The following FSHR variants were observed in gnomAD, a reference collection of about 807,000 sequenced individuals.
FSHR encodes the protein follicle-stimulating hormone receptor.
Under a neutral mutation model 52.1 loss-of-function variants are expected in FSHR, and 46 were observed. The ratio of observed to expected loss-of-function variants is 0.88; its 90% confidence interval spans 0.70 to 1.13. FSHR has a LOEUF of 1.13. FSHR is among the 50% of genes most tolerant of loss of function. FSHR has a pLI of 0.00. For synonymous variants in FSHR, 399 were observed against 309.6 expected, an observed-to-expected ratio of 1.29 and a Z score of -3.03; for missense variants, 964 against 834.6, an observed-to-expected ratio of 1.16 and a Z score of -1.91.
intron 9 of FSHR, 135 bp downstream of exon 9, chr2:48,968,562 AC>A: frequency 1.0e-6 from 1 of 1,002,764 alleles, no homozygotes; most frequent in Non-Finnish European, 1.5e-6. Flanking sequence ...TGAATTTTTG[AC>A]CCAGAATGTG....
chr2:49,152,522 C>G (rs1673100669), intron 1 of FSHR, among the ~76,000 whole-genome samples: 1 of 151,408 alleles, frequency 6.6e-6, no homozygotes, highest in Non-Finnish European at 1.5e-5. Flanking sequence ...TTCCCTTTTT[C>G]CCTCCATCTT....
At chr2:49,105,351 C>T (rs752250814) in intron 1 of FSHR, among the ~76,000 whole-genome samples, 49 of 152,086 alleles carry the variant, frequency 3.2e-4, no homozygotes, top group Non-Finnish European at 6.8e-4. Context: ...TCTCCACCAC[C>T]TGCTGCCTCA....
chr2:49,028,272 G>A (rs565656156), intron 2 of FSHR, among the ~76,000 whole-genome samples: 14 of 152,268 alleles, frequency 9.2e-5, no homozygotes, highest in Non-Finnish European at 1.8e-4. Context: ...GGTGTAGCAG[G>A]CACAGTGCTA....
intron 1 of FSHR, among the ~76,000 whole-genome samples, chr2:49,120,087 T>A (rs1264888992): frequency 6.6e-6 from 1 of 152,052 alleles, no homozygotes; most frequent in Non-Finnish European, 1.5e-5. Context: ...CTGGCCAACA[T>A]GGTGACGCCC....
intron 1 of FSHR, among the ~76,000 whole-genome samples, chr2:49,127,787 CTT>C (rs1672073884): frequency 1.9e-5 from 1 of 52,628 alleles, no homozygotes; most frequent in Non-Finnish European, 3.5e-5. Flanking sequence ...TCTTCTTCTT[CTT>C]CTTCTTCTTC....
intron 1 of FSHR, among the ~76,000 whole-genome samples, chr2:49,151,982 C>A (rs1673079552): frequency 6.6e-6 from 1 of 152,116 alleles, no homozygotes; most frequent in Non-Finnish European, 1.5e-5. Flanking sequence ...TTTCTCTTCT[C>A]ACCTCAGTAC....
intron 4 of FSHR, among the ~76,000 whole-genome samples, chr2:48,996,950 C>T (rs1215629004): frequency 7.2e-5 from 11 of 152,066 alleles, no homozygotes; most frequent in Admixed American, 7.2e-4. Flanking sequence ...ATTACAGATC[C>T]TTCTTAACTG....
In FSHR at chr2:48,963,832, T is replaced by A; in HGVS notation, c.989A>T (p.Tyr330Phe). ...SSYSRGFDMT[Y>F]TEFDYDLCNE... ...GCATAAGTCATAGTCAAACTCAGTGTACGTCATGTCAAATCCTCTGCTGTA... is the reference window on the plus strand; with the variant it reads ...GCATAAGTCATAGTCAAACTCAGTGAACGTCATGTCAAATCCTCTGCTGTA... The change falls in exon 10 of 10, where the codon TAC (tyrosine) becomes TTC (phenylalanine). Residue 330 changes from tyrosine to phenylalanine, a missense_variant. Physicochemically the swap from Tyr to Phe is conservative, Grantham distance 22. Coordinates refer to ENST00000406846, the MANE Select transcript of FSHR (RefSeq NM_000145.4). The A allele has an allele frequency of 6.2e-7, 1 of 1,614,180 alleles. No homozygotes were observed. Among genetic ancestry groups the A allele is most frequent in the Non-Finnish European group, 8.5e-7 (1 of 1,180,012 alleles).
chr2:48,998,499 G>T (rs934471507), intron 4 of FSHR, among the ~76,000 whole-genome samples: 2 of 151,982 alleles, frequency 1.3e-5, no homozygotes, highest in Non-Finnish European at 2.9e-5. Context: ...ACATATTCCA[G>T]GTAGTTTCCA....
intron 1 of FSHR, among the ~76,000 whole-genome samples, chr2:49,084,705 T>C (rs931488441): frequency 5.9e-5 from 9 of 152,264 alleles, no homozygotes; most frequent in African/African-American, 1.9e-4. Flanking sequence ...CATCAGAGAA[T>C]ACTACAAACA....
At chr2:49,145,840 A>C (rs2103849329) in intron 1 of FSHR, among the ~76,000 whole-genome samples, 1 of 152,230 alleles carries the variant, frequency 6.6e-6, no homozygotes, top group East Asian at 1.9e-4. Context: ...ATGAAAAATG[A>C]GCATCTTTTC....
At chr2:49,139,437 T>C (rs975367784) in intron 1 of FSHR, among the ~76,000 whole-genome samples, 4 of 152,078 alleles carry the variant, frequency 2.6e-5, no homozygotes, top group Non-Finnish European at 5.9e-5. Flanking sequence ...ATCTCTAGAA[T>C]GAGGGTATAG....
At chr2:49,140,036 T>C (rs1672622710) in intron 1 of FSHR, among the ~76,000 whole-genome samples, 1 of 152,128 alleles carries the variant, frequency 6.6e-6, no homozygotes, top group Non-Finnish European at 1.5e-5. Context: ...GCTTAGTGCT[T>C]CTCAGATTGT....
In FSHR at chr2:49,061,529, T is replaced by C. The variant is rs139349609; in HGVS notation, c.224+6690A>G. On this transcript the variant is annotated intron_variant, in intron 2 of 9. Transcript: ENST00000406846. ...ATATGATTCTAAATATATATATATT[T>C]AGATATATAAAAATAAATACATATA... Among the ~76,000 whole-genome samples the C allele has an allele frequency of 4.9e-3, 725 of 146,590 alleles. 21 individuals carry two copies. The highest frequency in any genetic ancestry group is 0.044 in the Admixed American group (632 of 14,442).
rs908860573 is a variant in FSHR at position 49,129,021 on chromosome 2, C to A, written c.152+25245G>T. On this transcript the variant is annotated intron_variant, in intron 1 of 9. Transcript: ENST00000406846. ...TTGAAGGTCGTTAAAGCATATGAAT[C>A]ATCCAGATTGTTTATCTGTTTTCTT... Among the ~76,000 whole-genome samples, 3 of 150,054 alleles carry A rather than the reference C, an allele frequency of 2.0e-5. No individual in the cohort carries two copies. In the Admixed American group the frequency reaches 2.0e-4, roughly 10 times the overall value.
At chr2:49,056,445 A>AATATATATATAT (rs70946848) in intron 2 of FSHR, among the ~76,000 whole-genome samples, 12 of 128,584 alleles carry the variant, frequency 9.3e-5, no homozygotes, top group Non-Finnish European at 1.5e-4. Context: ...TTACAATTGG[A>AATATATATATAT]ATATATATAT....
At position 48,989,064 on chromosome 2, in the gene FSHR, A is replaced by G; in HGVS notation, c.447-10T>C. ...GTTATCTTGAATGTCACTAGAAGAAAGTACAGACAAATAAGATACTTACAT... is the reference window on the plus strand; with the variant it reads ...GTTATCTTGAATGTCACTAGAAGAAGGTACAGACAAATAAGATACTTACAT... On this transcript the variant is annotated splice_polypyrimidine_tract_variant and intron_variant, in intron 5 of 9. Coordinates refer to ENST00000406846, the MANE Select transcript of FSHR (RefSeq NM_000145.4). 1 of 1,607,428 alleles carries G rather than the reference A, an allele frequency of 6.2e-7. No homozygotes were observed. The highest frequency in any genetic ancestry group is 8.5e-7 in the Non-Finnish European group (1 of 1,174,218).
chr2:48,964,089 A>C, intron 9 of FSHR, 123 bp from the exon 10 acceptor site: 3 of 861,918 alleles, frequency 3.5e-6, no homozygotes, highest in South Asian at 1.6e-5. Context: ...TTCTTCTCAC[A>C]TCATACCTGC....
At chr2:49,020,944 A>G (rs976430238) in intron 2 of FSHR, among the ~76,000 whole-genome samples, 1 of 152,104 alleles carries the variant, frequency 6.6e-6, no homozygotes, top group African/African-American at 2.4e-5. Flanking sequence ...GTCAGGGGGT[A>G]GGATTGAGGG....
Sources: allele counts gnomAD v4.1 joint callset (sites outside exome capture counted in the v4.1 genomes callset), GRCh38; gene constraint gnomAD v4.1.1; transcripts MANE v1.5; gene names NCBI Gene and HGNC (gene_info 2026-07-23, HGNC 2026-07-21).